LRRC37A2: variants seen among roughly 807,000 people sequenced by gnomAD.
LRRC37A2 encodes leucine-rich repeat-containing protein 37A2.
In LRRC37A2, 9 loss-of-function variants were observed where a neutral mutation model predicts 68.8. That is an observed-to-expected ratio of 0.13 (90% CI 0.08 to 0.23). The LOEUF is 0.23. Among genes scored for constraint, LRRC37A2 ranks in the 10% least tolerant of loss-of-function variants. The pLI is 1.00. For missense variants in LRRC37A2, 168 were observed against 950.4 expected (o/e 0.18, Z 10.82); for synonymous variants, 63 against 367.6 (o/e 0.17, Z 9.48).
the LRRC37A2 span, among the ~76,000 whole-genome samples, chr17:46,497,538 T>G: frequency 7.4e-5 from 11 of 148,364 alleles, no homozygotes; most frequent in Admixed American, 5.4e-4. Context: ...AAATAAAATG[T>G]AAAAGTATTG....
chr17:46,680,288 C>T, the LRRC37A2 span, among the ~76,000 whole-genome samples: 2 of 151,484 alleles, frequency 1.3e-5, no homozygotes, highest in African/African-American at 4.9e-5. Flanking sequence ...AAAAACAGAC[C>T]AAGGAAACAA....
chr17:46,495,403 G>A, the LRRC37A2 span, among the ~76,000 whole-genome samples: 186 of 134,676 alleles, frequency 1.4e-3, no homozygotes, highest in Admixed American at 3.3e-3. Flanking sequence ...TTTGTTTTTA[G>A]AGACAAAATC....
At chr17:46,957,045 A>T in the LRRC37A2 span, among the ~76,000 whole-genome samples, 1 of 152,208 alleles carries the variant, frequency 6.6e-6, no homozygotes, top group Admixed American at 6.5e-5. Flanking sequence ...ACGGTGGCTC[A>T]CACTTGTAGT....
the LRRC37A2 span, among the ~76,000 whole-genome samples, chr17:46,779,502 G>T: frequency 6.6e-6 from 1 of 152,166 alleles, no homozygotes; most frequent in Non-Finnish European, 1.5e-5. Context: ...ACCACCCACT[G>T]CCCAGCTGGG....
the LRRC37A2 span, among the ~76,000 whole-genome samples, chr17:46,813,648 T>TC: frequency 4.7e-3 from 717 of 152,198 alleles, 3 homozygotes; most frequent in Admixed American, 7.1e-3. Context: ...TCTTCCTTTT[T>TC]CCCACTTCCT....
At chr17:46,940,288 G>A in the LRRC37A2 span, 17 of 1,436,136 alleles carry the variant, frequency 1.2e-5, no homozygotes, top group Admixed American at 2.8e-5. Context: ...CTACCCCTCC[G>A]GGCCAAATGG....
At chr17:46,860,858 CT>C in the LRRC37A2 span, among the ~76,000 whole-genome samples, 36 of 151,696 alleles carry the variant, frequency 2.4e-4, no homozygotes, top group South Asian at 8.4e-4. Flanking sequence ...TAAAATTTCA[CT>C]TTTTTTTTAT....
chr17:46,922,978 G>C, the LRRC37A2 span: 1 of 606,510 alleles, frequency 1.6e-6, no homozygotes, highest in Non-Finnish European at 2.9e-6. Context: ...ACGTGAAGCC[G>C]AGCCTGTGAC....
the LRRC37A2 span, chr17:46,935,581 A>G: frequency 6.1e-5 from 68 of 1,121,472 alleles, no homozygotes; most frequent in East Asian, 1.7e-4. Context: ...GGACTGCCTT[A>G]TAACTAAAAC....
the LRRC37A2 span, chr17:46,932,139 T>C: frequency 1.2e-6 from 2 of 1,614,110 alleles, no homozygotes; most frequent in East Asian, 2.2e-5. Flanking sequence ...ATCGGCGCCA[T>C]GCAAGGGAGC....
chr17:46,802,488 G>A, the LRRC37A2 span, among the ~76,000 whole-genome samples: 4 of 152,140 alleles, frequency 2.6e-5, no homozygotes, highest in South Asian at 2.1e-4. Context: ...GGCTGGTCTC[G>A]AACTCCTGAC....
At chr17:47,041,387 A>AT in the LRRC37A2 span, among the ~76,000 whole-genome samples, 1,112 of 13,826 alleles carry the variant, frequency 0.08, 74 homozygotes, top group East Asian at 0.21. Context: ...ATTATGGTCA[A>AT]TTTTTTTTTT....
the LRRC37A2 span, among the ~76,000 whole-genome samples, chr17:46,980,840 AT>A: frequency 7.2e-5 from 11 of 151,972 alleles, no homozygotes; most frequent in East Asian, 1.9e-4. Context: ...CTCAAAAAAA[AT>A]AAAATAAAAT....
the LRRC37A2 span, among the ~76,000 whole-genome samples, chr17:46,926,399 A>T: frequency 6.6e-6 from 1 of 152,076 alleles, no homozygotes; most frequent in African/African-American, 2.4e-5. Flanking sequence ...AGTTTCATGA[A>T]CTTTTAAAAA....
At chr17:46,810,306 C>A in the LRRC37A2 span, among the ~76,000 whole-genome samples, 1 of 152,204 alleles carries the variant, frequency 6.6e-6, no homozygotes, top group Non-Finnish European at 1.5e-5. Context: ...CATGCCCAGC[C>A]TTCTTATTCC....
chr17:46,799,059 A>T, the LRRC37A2 span, among the ~76,000 whole-genome samples: 1 of 151,998 alleles, frequency 6.6e-6, no homozygotes, highest in African/African-American at 2.4e-5. Flanking sequence ...AAAAAAAAAA[A>T]AAAAAAAATC....
At chr17:46,872,914 A>C in the LRRC37A2 span, 3 of 1,070,528 alleles carry the variant, frequency 2.8e-6, no homozygotes, top group South Asian at 1.8e-5. Flanking sequence ...ACGGTCCCAA[A>C]TGAGAAGAGT....
the LRRC37A2 span, among the ~76,000 whole-genome samples, chr17:47,026,027 G>A: frequency 7.2e-6 from 1 of 139,264 alleles, no homozygotes; most frequent in African/African-American, 2.7e-5. Context: ...AGAAGAAATG[G>A]GATACAAAAT....
At chr17:46,842,583 A>T in the LRRC37A2 span, among the ~76,000 whole-genome samples, 1 of 152,080 alleles carries the variant, frequency 6.6e-6, no homozygotes, top group Non-Finnish European at 1.5e-5. Context: ...TGGTGCCCAG[A>T]GCTGGTCTCG....
Sources: allele counts gnomAD v4.1 joint callset (sites outside exome capture counted in the v4.1 genomes callset), GRCh38; gene constraint gnomAD v4.1.1; transcripts MANE v1.5; gene names NCBI Gene and HGNC (gene_info 2026-07-23, HGNC 2026-07-21).